The following GRAP2 variants were observed in gnomAD, a reference collection of about 807,000 sequenced individuals.
GRAP2 encodes the protein GRB2-related adapter protein 2.
GRAP2 carries 31 observed loss-of-function variants against 43.5 expected under a neutral mutation model. That is an observed-to-expected ratio of 0.71 (90% CI 0.54 to 0.96). The LOEUF (loss-of-function observed/expected upper bound fraction) is 0.96. GRAP2 is among the 40% of genes least tolerant of loss of function. The pLI, the probability that GRAP2 is intolerant of heterozygous loss-of-function variation, is 0.00. For missense variants in GRAP2, 371 were observed against 424.4 expected (o/e 0.87, Z 1.11); for synonymous variants, 156 against 164.8 (o/e 0.95, Z 0.41).
At chr22:39,960,895 G>A (rs144840312) in intron 4 of GRAP2, 1 of 151,436 alleles carries the variant, frequency 6.6e-6, no homozygotes, top group African/African-American at 2.4e-5. Flanking sequence ...GACAAAGGGG[G>A]TTTGATCTAA....
At chr22:39,913,287 T>G (rs1569193103) in intron 1 of GRAP2, among the ~76,000 whole-genome samples, 1 of 147,770 alleles carries the variant, frequency 6.8e-6, no homozygotes, top group African/African-American at 2.5e-5. Context: ...GTGGGAGAAA[T>G]AGAGAGAGAG....
At chr22:39,932,153 G>T (rs760798801) in intron 1 of GRAP2, among the ~76,000 whole-genome samples, 1 of 152,154 alleles carries the variant, frequency 6.6e-6, no homozygotes, top group Admixed American at 6.5e-5. Context: ...GAGATGAAAG[G>T]GTGAAAAGAT....
At chr22:39,945,882 A>G (rs894070868) in intron 1 of GRAP2, among the ~76,000 whole-genome samples, 1 of 152,150 alleles carries the variant, frequency 6.6e-6, no homozygotes, top group African/African-American at 2.4e-5. Flanking sequence ...TGTTTTTGAG[A>G]CAGAGTCTTG....
intron 3 of GRAP2, among the ~76,000 whole-genome samples, chr22:39,958,976 G>A (rs1326892278): frequency 6.6e-6 from 1 of 152,180 alleles, no homozygotes; most frequent in East Asian, 1.9e-4. Flanking sequence ...CTATGTCTCA[G>A]TTTCCCAAAT....
At chr22:39,954,109 G>A (rs538932896) in intron 2 of GRAP2, among the ~76,000 whole-genome samples, 64 of 152,280 alleles carry the variant, frequency 4.2e-4, no homozygotes, top group Non-Finnish European at 7.9e-4. Flanking sequence ...AACTCCTTTC[G>A]TTGCCAAGGC....
the GRAP2 span, among the ~76,000 whole-genome samples, chr22:39,895,018 C>T: frequency 6.6e-6 from 1 of 152,104 alleles, no homozygotes; most frequent in Non-Finnish European, 1.5e-5. Flanking sequence ...GAAAGCTGAG[C>T]CAGCCTATTA....
chr22:39,961,570 C>G (rs1269543862), intron 4 of GRAP2, among the ~76,000 whole-genome samples: 4 of 152,140 alleles, frequency 2.6e-5, no homozygotes, highest in Admixed American at 1.3e-4. Flanking sequence ...GTGCAGCAAC[C>G]CATAGGAAGT....
At chr22:39,946,760 G>A in intron 1 of GRAP2, 1 of 248,048 alleles carries the variant, frequency 4.0e-6, no homozygotes, top group Non-Finnish European at 7.9e-6. Flanking sequence ...ATGATAGCAA[G>A]CCTTCCCTCC....
intron 1 of GRAP2, among the ~76,000 whole-genome samples, chr22:39,901,559 C>G (rs117461467): frequency 6.6e-6 from 1 of 152,236 alleles, no homozygotes; most frequent in Non-Finnish European, 1.5e-5. Context: ...CTTACCCAGT[C>G]CATAACACAA....
intron 4 of GRAP2, among the ~76,000 whole-genome samples, chr22:39,963,181 A>C (rs2067136997): frequency 6.6e-6 from 1 of 152,222 alleles, no homozygotes. Flanking sequence ...TCATGGGCAC[A>C]GATAATTAAG....
chr22:39,907,298 A>G (rs1484160959), intron 1 of GRAP2, among the ~76,000 whole-genome samples: 22 of 152,204 alleles, frequency 1.4e-4, no homozygotes, highest in Non-Finnish European at 5.9e-5. Context: ...ATGGGGAAAA[A>G]AAACCAACGA....
intron 1 of GRAP2, among the ~76,000 whole-genome samples, chr22:39,943,231 C>T (rs753130140): frequency 6.6e-6 from 1 of 152,192 alleles, no homozygotes; most frequent in African/African-American, 2.4e-5. Context: ...AGAGCTGTAG[C>T]ATGGCTTTTG....
intron 2 of GRAP2, among the ~76,000 whole-genome samples, chr22:39,951,877 G>A (rs2066986749): frequency 6.6e-6 from 1 of 152,126 alleles, no homozygotes; most frequent in African/African-American, 2.4e-5. Flanking sequence ...GAAACACAGT[G>A]TTAGGCAGAC....
chr22:39,926,770 TAGAG>T (rs935083344), intron 1 of GRAP2: 12 of 985,270 alleles, frequency 1.2e-5, no homozygotes, highest in Non-Finnish European at 1.4e-5. Context: ...CTTTGCCTGA[TAGAG>T]AGACAGCAGG....
Position 39,972,064 on chromosome 22 carries a change from A to T in GRAP2, c.*980A>T, listed in dbSNP as rs958470418. Reference sequence around the variant, plus strand: ...GAGCCTGACTATGAATTGATTGACTAAACATGACCCCAGGTGGAAGCTGGC... The same window carrying T: ...GAGCCTGACTATGAATTGATTGACTTAACATGACCCCAGGTGGAAGCTGGC... On this transcript the variant is annotated 3_prime_UTR_variant, in exon 8 of 8. Transcript: ENST00000344138. 2 of 152,278 alleles carry T rather than the reference A, an allele frequency of 1.3e-5. No homozygotes were observed. Among genetic ancestry groups the T allele is most frequent in the African/African-American group, 4.8e-5 (2 of 41,460 alleles). The allele number at this position is 152,278 out of a possible 1,614,324, so 9.4% of individuals were successfully genotyped here.
chr22:39,951,731 G>A (rs1380644971), intron 2 of GRAP2, among the ~76,000 whole-genome samples: 2 of 152,098 alleles, frequency 1.3e-5, no homozygotes, highest in Admixed American at 6.6e-5. Context: ...GAAGTGTGGG[G>A]CCCTGGGCCC....
chr22:39,943,614 T>A (rs567386577), intron 1 of GRAP2, among the ~76,000 whole-genome samples: 304 of 152,132 alleles, frequency 2.0e-3, no homozygotes, highest in African/African-American at 7.1e-3. Context: ...CGTCTCACAC[T>A]GTATGGGCAG....
chr22:39,899,803 T>A (rs146277179), upstream of GRAP2, among the ~76,000 whole-genome samples: 1,149 of 151,978 alleles, frequency 7.6e-3, 14 homozygotes, highest in African/African-American at 0.026. Context: ...GCCGACATGG[T>A]GAAACCCCAT....
intron 7 of GRAP2, 67 bp downstream of exon 7, chr22:39,969,600 T>C: frequency 6.4e-7 from 1 of 1,556,294 alleles, no homozygotes; most frequent in Non-Finnish European, 8.8e-7. Flanking sequence ...ATGGAGGAGA[T>C]GAGGCAGGAG....
Sources: allele counts gnomAD v4.1 joint callset (sites outside exome capture counted in the v4.1 genomes callset), GRCh38; gene constraint gnomAD v4.1.1; transcripts MANE v1.5; gene names NCBI Gene and HGNC (gene_info 2026-07-23, HGNC 2026-07-21).